Variants in FRA10AC1 observed in about 807,000 individuals in gnomAD.
FRA10AC1 encodes the protein protein FRA10AC1.
FRA10AC1 carries 43 observed loss-of-function variants against 56.5 expected under a neutral mutation model. The ratio of observed to expected loss-of-function variants is 0.76; its 90% CI spans 0.60 to 0.98. FRA10AC1 has a LOEUF of 0.98. Among genes scored for constraint, FRA10AC1 ranks in the 50% least tolerant of loss-of-function variants. The probability of loss-of-function intolerance (pLI) is 0.00; values close to 1 mark genes in which losing one functional copy is unlikely to be tolerated. For synonymous variants in FRA10AC1, 112 were observed against 110.5 expected (o/e 1.01, Z -0.09); for missense variants, 346 against 351.8 (o/e 0.98, Z 0.13).
At chr10:93,686,827 A>C (rs1017634460) in intron 8 of FRA10AC1, among the ~76,000 whole-genome samples, 5 of 151,878 alleles carry the variant, frequency 3.3e-5, no homozygotes, top group African/African-American at 1.2e-4. Flanking sequence ...CAGTATGGAG[A>C]TACACAATTT....
chr10:93,673,648 A>T (rs767810839), intron 12 of FRA10AC1: 7 of 355,374 alleles, frequency 2.0e-5, no homozygotes, highest in Admixed American at 7.7e-5. Context: ...TTTTGATTTC[A>T]TCAATTCTAG....
chr10:93,692,927 A>G (rs1454562596), intron 5 of FRA10AC1, among the ~76,000 whole-genome samples, 198 bp from the exon 6 acceptor site: 1 of 152,154 alleles, frequency 6.6e-6, no homozygotes, highest in Non-Finnish European at 1.5e-5. Context: ...CTACTACAGA[A>G]GCAAGTTAAA....
chr10:93,696,303 T>C (rs2059234162), intron 4 of FRA10AC1, among the ~76,000 whole-genome samples: 1 of 152,130 alleles, frequency 6.6e-6, no homozygotes. Context: ...GACTAAAAAA[T>C]CGTCAACAAA....
At chr10:93,670,889 C>T (rs528954438) in intron 12 of FRA10AC1, 41 bp from the exon 13 acceptor site, 3 of 1,309,144 alleles carry the variant, frequency 2.3e-6, no homozygotes, top group Non-Finnish European at 2.2e-6. Context: ...ACCTATTATA[C>T]TTAAAGCACA....
rs193257333 is a variant in FRA10AC1, at chr10:93,673,512, T to A, written c.827-2664A>T. Reference sequence around the variant, plus strand: ...TCCTACATGTTTTGAATAATGAAAGTAGGTCTATCATCTTGGTTTTTGTGG... The same window carrying A: ...TCCTACATGTTTTGAATAATGAAAGAAGGTCTATCATCTTGGTTTTTGTGG... On this transcript the variant is annotated intron_variant, in intron 12 of 13. Coordinates refer to ENST00000359204, the MANE Select transcript of FRA10AC1 (RefSeq NM_145246.5). 22 of 371,528 alleles carry A rather than the reference T, an allele frequency of 5.9e-5. 1 individual carries two copies. Among genetic ancestry groups the A allele is most frequent in the Middle Eastern group, 4.0e-4 (1 of 2,486 alleles). The allele number at this position is 371,528 out of a possible 1,614,324, so 23.0% of individuals were successfully genotyped here.
intron 4 of FRA10AC1, 39 bp from the exon 5 acceptor site, chr10:93,694,976 G>A (rs771777983): frequency 3.8e-6 from 4 of 1,050,576 alleles, no homozygotes; most frequent in Non-Finnish European, 4.5e-6. Context: ...TCTCTTAGGA[G>A]CTGTTTGGTG....
At chr10:93,699,158 G>T (rs74150306) in intron 2 of FRA10AC1, among the ~76,000 whole-genome samples, 3,403 of 152,212 alleles carry the variant, frequency 0.022, 67 homozygotes, top group African/African-American at 0.057. Flanking sequence ...AACTAGATTT[G>T]CTCAAATTCT....
intron 11 of FRA10AC1, among the ~76,000 whole-genome samples, chr10:93,676,929 A>C (rs1160237832): frequency 6.6e-6 from 1 of 152,214 alleles, no homozygotes; most frequent in Admixed American, 6.5e-5. Flanking sequence ...AGCACAAAAC[A>C]AAAAATAATG....
At chr10:93,700,783 A>C (rs1179954980) in intron 1 of FRA10AC1, among the ~76,000 whole-genome samples, 3 of 152,120 alleles carry the variant, frequency 2.0e-5, no homozygotes, top group Non-Finnish European at 2.9e-5. Flanking sequence ...GAGTTTCTTT[A>C]AGGTAAACCA....
chr10:93,682,099 A>C (rs1386146202), intron 10 of FRA10AC1, among the ~76,000 whole-genome samples: 2 of 152,192 alleles, frequency 1.3e-5, no homozygotes, highest in African/African-American at 4.8e-5. Context: ...GCTTATTGTT[A>C]ATTCATATAT....
intron 13 of FRA10AC1, 146 bp from the exon 14 acceptor site, chr10:93,670,014 C>T: frequency 2.0e-6 from 1 of 497,420 alleles, no homozygotes; most frequent in Non-Finnish European, 3.6e-6. Context: ...ATGATTCAGC[C>T]ATCAAATAAT....
chr10:93,700,711 T>C (rs1374169227), intron 1 of FRA10AC1, among the ~76,000 whole-genome samples: 1 of 152,228 alleles, frequency 6.6e-6, no homozygotes, highest in East Asian at 1.9e-4. Context: ...CAGTACATCA[T>C]CAATTGATGA....
chr10:93,676,251 C>T (rs902417389), intron 12 of FRA10AC1, among the ~76,000 whole-genome samples: 3 of 151,888 alleles, frequency 2.0e-5, no homozygotes, highest in Non-Finnish European at 2.9e-5. Context: ...TGGAATATTG[C>T]AGGGAAAAAA....
chr10:93,691,955 G>A, intron 7 of FRA10AC1, 54 bp downstream of exon 7: 1 of 1,507,052 alleles, frequency 6.6e-7, no homozygotes, highest in Non-Finnish European at 9.0e-7. Context: ...TATAATAAAA[G>A]TTAATATTTT....
rs189948020 is a variant in FRA10AC1 at position 93,680,486 on chromosome 10, T to C, written c.787+994A>G. Among the ~76,000 whole-genome samples, 33 of 152,278 alleles carry C rather than the reference T, an allele frequency of 2.2e-4. No homozygotes were observed. In the East Asian group the frequency reaches 2.9e-3, roughly 13 times the overall value. ...TACTTGAAGCTATGGGAGTAGACAG[T>C]ATCACAAGGGCACACAGATTTAAAC... On this transcript the variant is annotated intron_variant, in intron 11 of 13. Coordinates refer to ENST00000359204, the MANE Select transcript of FRA10AC1 (RefSeq NM_145246.5).
chr10:93,700,996 A>G (rs1200995046), intron 1 of FRA10AC1, among the ~76,000 whole-genome samples: 1 of 152,018 alleles, frequency 6.6e-6, no homozygotes. Flanking sequence ...CACCTGGCAA[A>G]CTTAAAAAAA....
chr10:93,678,805 C>G (rs2058885087), intron 11 of FRA10AC1, among the ~76,000 whole-genome samples: 1 of 151,532 alleles, frequency 6.6e-6, no homozygotes, highest in Non-Finnish European at 1.5e-5. Flanking sequence ...CCACTGTATT[C>G]CAGCACTCCA....
chr10:93,680,843 T>C (rs2058922040), intron 11 of FRA10AC1, among the ~76,000 whole-genome samples: 1 of 152,202 alleles, frequency 6.6e-6, no homozygotes, highest in Admixed American at 6.5e-5. Context: ...AAGACCATTT[T>C]ACACATGAAG....
At chr10:93,699,586 T>TAA (rs1333603422) in intron 2 of FRA10AC1, among the ~76,000 whole-genome samples, 23 of 152,336 alleles carry the variant, frequency 1.5e-4, no homozygotes, top group African/African-American at 5.3e-4. Flanking sequence ...TCCCGTGACC[T>TAA]TAGTCTGCTC....
Sources: allele counts gnomAD v4.1 joint callset (sites outside exome capture counted in the v4.1 genomes callset), GRCh38; gene constraint gnomAD v4.1.1; transcripts MANE v1.5; gene names NCBI Gene and HGNC (gene_info 2026-07-23, HGNC 2026-07-21).